The following GPHN variants were observed in gnomAD, a reference collection of about 807,000 sequenced individuals.
GPHN encodes gephyrin.
Under a neutral mutation model 95.5 loss-of-function variants are expected in GPHN, and 17 were observed. The ratio of observed to expected loss-of-function variants is 0.18; its 90% CI spans 0.12 to 0.27. GPHN has a LOEUF of 0.27. Ranked by LOEUF, GPHN falls within the 10% of genes least tolerant of loss-of-function variation. GPHN has a pLI of 1.00. For missense variants in GPHN, 660 were observed against 978.1 expected (o/e 0.67, Z 4.34); for synonymous variants, 320 against 322.5 (o/e 0.99, Z 0.08).
intron 8 of GPHN, among the ~76,000 whole-genome samples, chr14:66,924,899 T>A (rs1029807598): frequency 4.6e-5 from 7 of 151,846 alleles, no homozygotes; most frequent in Non-Finnish European, 1.0e-4. Context: ...AAGATTAAAC[T>A]GATACATAAA....
chr14:67,721,235 T>G, the GPHN span, among the ~76,000 whole-genome samples: 3 of 152,178 alleles, frequency 2.0e-5, no homozygotes, highest in African/African-American at 7.2e-5. Context: ...TGTCTATTCT[T>G]CTGTCCAAGA....
At chr14:66,671,147 A>G (rs1297437436) in intron 1 of GPHN, among the ~76,000 whole-genome samples, 2 of 152,172 alleles carry the variant, frequency 1.3e-5, no homozygotes, top group African/African-American at 4.8e-5. Context: ...GAAAATTGTT[A>G]TTGGCACATA....
chr14:67,225,451 A>G, the GPHN span, among the ~76,000 whole-genome samples: 7 of 152,212 alleles, frequency 4.6e-5, no homozygotes, highest in Admixed American at 4.6e-4. Flanking sequence ...GGGTCAAAAG[A>G]TAACATCAGC....
the GPHN span, among the ~76,000 whole-genome samples, chr14:67,325,635 C>T: frequency 2.6e-5 from 4 of 152,106 alleles, no homozygotes; most frequent in African/African-American, 4.8e-5. Context: ...CATGGTTGTT[C>T]AAGGAAAAGG....
chr14:67,320,279 T>C, the GPHN span: 14 of 1,613,692 alleles, frequency 8.7e-6, no homozygotes, highest in African/African-American at 1.3e-5. Context: ...CACTTTATCA[T>C]CAGCCAGCAA....
At chr14:67,103,231 C>T (rs2077825030) in intron 13 of GPHN, among the ~76,000 whole-genome samples, 2 of 152,128 alleles carry the variant, frequency 1.3e-5, no homozygotes. Context: ...ATCTGTTTTG[C>T]TGTCCAAACC....
At chr14:67,729,872 A>G in the GPHN span, 5 of 453,544 alleles carry the variant, frequency 1.1e-5, no homozygotes, top group East Asian at 2.8e-4. Context: ...CATGAACTCA[A>G]TGAGCAACTA....
In GPHN at chr14:66,639,594, G is replaced by C. The variant is rs139047158; in HGVS notation, c.65-41513G>C. ...AAAATTACATAGTCCATCTGACCCA[G>C]CTGGTGAATGGTGATGATTATTTTT... On this transcript the variant is annotated intron_variant, in intron 1 of 22. Transcript: ENST00000478722. 3.1e-3 allele frequency among the ~76,000 whole-genome samples: 456 copies of C among 148,230 alleles called. 3 individuals are homozygous for C. Among genetic ancestry groups the C allele is most frequent in the African/African-American group, 0.011 (438 of 38,774 alleles).
chr14:67,603,920 A>T, the GPHN span, among the ~76,000 whole-genome samples: 2 of 151,714 alleles, frequency 1.3e-5, no homozygotes, highest in African/African-American at 4.8e-5. Context: ...ACCTCAGGTG[A>T]TCTGCCCGCC....
At chr14:66,621,626 T>C (rs1293062200) in intron 1 of GPHN, among the ~76,000 whole-genome samples, 1 of 151,592 alleles carries the variant, frequency 6.6e-6, no homozygotes, top group African/African-American at 2.4e-5. Flanking sequence ...GGTTTCACCA[T>C]GTTAGCCAGG....
chr14:66,561,620 T>C (rs1433336249), intron 1 of GPHN, among the ~76,000 whole-genome samples: 3 of 152,134 alleles, frequency 2.0e-5, no homozygotes, highest in African/African-American at 7.2e-5. Context: ...AACTAGAATA[T>C]AGTTTATCTT....
chr14:67,636,685 G>A, the GPHN span, among the ~76,000 whole-genome samples: 2 of 152,186 alleles, frequency 1.3e-5, no homozygotes, highest in Non-Finnish European at 2.9e-5. Flanking sequence ...CAAGGCCAAA[G>A]GTAACATCTG....
chr14:67,356,924 G>A, the GPHN span, among the ~76,000 whole-genome samples: 1 of 152,214 alleles, frequency 6.6e-6, no homozygotes, highest in South Asian at 2.1e-4. Context: ...AAGTCAAATT[G>A]TAGTACTGCA....
intron 1 of GPHN, among the ~76,000 whole-genome samples, chr14:66,583,376 G>A (rs1251476770): frequency 2.6e-5 from 4 of 152,024 alleles, no homozygotes; most frequent in Non-Finnish European, 1.5e-5. Flanking sequence ...CTGTGCAGAA[G>A]CTCTTTAGTT....
the GPHN span, chr14:67,387,151 A>G: frequency 1.9e-6 from 1 of 537,456 alleles, no homozygotes; most frequent in East Asian, 3.6e-5. Context: ...TAACATGAAG[A>G]TGGGGAAGGA....
the GPHN span, among the ~76,000 whole-genome samples, chr14:67,439,541 CTTTCTTTCTTTCTT>C: frequency 2.4e-4 from 32 of 133,502 alleles, 1 homozygote; most frequent in Admixed American, 7.1e-4. Context: ...TAGTTTCTTT[CTTTCTTTCTTTCTT>C]TCTTTCTTTC....
At chr14:67,291,362 G>T in the GPHN span, among the ~76,000 whole-genome samples, 1 of 152,018 alleles carries the variant, frequency 6.6e-6, no homozygotes, top group African/African-American at 2.4e-5. Context: ...CGAGTAGCTG[G>T]GATTACAGGC....
At chr14:66,764,560 C>T (rs1218148885) in intron 2 of GPHN, among the ~76,000 whole-genome samples, 3 of 151,888 alleles carry the variant, frequency 2.0e-5, no homozygotes, top group Admixed American at 1.3e-4. Flanking sequence ...TCTAGGTAAA[C>T]TGACTCTAGA....
intron 16 of GPHN, among the ~76,000 whole-genome samples, chr14:67,116,562 A>C (rs1287811293): frequency 6.6e-6 from 1 of 152,088 alleles, no homozygotes; most frequent in African/African-American, 2.4e-5. Flanking sequence ...ATAATCCAAA[A>C]AAGAAAGAAA....
Sources: allele counts gnomAD v4.1 joint callset (sites outside exome capture counted in the v4.1 genomes callset), GRCh38; gene constraint gnomAD v4.1.1; transcripts MANE v1.5; gene names NCBI Gene and HGNC (gene_info 2026-07-23, HGNC 2026-07-21).